The following PDE8A variants were observed in gnomAD, a reference collection of about 807,000 sequenced individuals.
PDE8A encodes the protein phosphodiesterase 8A.
Under a neutral mutation model 105.0 loss-of-function variants are expected in PDE8A, and 59 were observed. That is an observed-to-expected ratio of 0.56 (90% CI 0.46 to 0.70). The LOEUF is 0.70. PDE8A is among the 30% of genes least tolerant of loss of function. PDE8A has a pLI of 0.00. For synonymous variants in PDE8A, 355 were observed against 371.9 expected, an observed-to-expected ratio of 0.95 and a Z score of 0.52; for missense variants, 1,014 against 1,045.9, an observed-to-expected ratio of 0.97 and a Z score of 0.42.
intron 1 of PDE8A, among the ~76,000 whole-genome samples, chr15:84,991,993 A>G (rs143099440): frequency 3.9e-5 from 6 of 152,362 alleles, no homozygotes; most frequent in East Asian, 1.9e-4. Context: ...AACAACAAAA[A>G]AAAGATTAAT....
intron 1 of PDE8A, among the ~76,000 whole-genome samples, chr15:85,042,088 T>A (rs377369): frequency 0.54 from 81,421 of 151,856 alleles, 21,932 homozygotes; most frequent in East Asian, 0.57. Flanking sequence ...TTTTTTTTTT[T>A]AATAAAAAAT....
chr15:84,997,911 C>T (rs1156599335), intron 1 of PDE8A, among the ~76,000 whole-genome samples: 4 of 152,162 alleles, frequency 2.6e-5, no homozygotes. Context: ...TATCTTCTTA[C>T]AACAGGTTTA....
chr15:85,071,012 GAAAAAGAGAC>G (rs1429777339), intron 3 of PDE8A, among the ~76,000 whole-genome samples: 1 of 151,956 alleles, frequency 6.6e-6, no homozygotes, highest in Non-Finnish European at 1.5e-5. Flanking sequence ...CATGAAGAGG[GAAAAAGAGAC>G]AAAAATTGAC....
At chr15:85,083,756 G>C (rs1481552789) in intron 6 of PDE8A, 112 bp downstream of exon 6, 1 of 698,340 alleles carries the variant, frequency 1.4e-6, no homozygotes, top group Non-Finnish European at 2.6e-6. Flanking sequence ...AATGGGATTG[G>C]AGAGAATGGA....
chr15:85,129,411 T>G (rs1373795005), intron 20 of PDE8A, among the ~76,000 whole-genome samples: 1 of 152,252 alleles, frequency 6.6e-6, no homozygotes, highest in African/African-American at 2.4e-5. Flanking sequence ...TCAATCTCCT[T>G]GCTAGTCATT....
chr15:85,095,881 T>TTTA (rs1555478266), intron 8 of PDE8A, among the ~76,000 whole-genome samples: 200 of 148,544 alleles, frequency 1.3e-3, no homozygotes, highest in African/African-American at 4.6e-3. Flanking sequence ...TATATTTTTT[T>TTTA]TATATATATA....
At chr15:85,061,768 A>G (rs373273653) in intron 1 of PDE8A, among the ~76,000 whole-genome samples, 15 of 152,060 alleles carry the variant, frequency 9.9e-5, no homozygotes, top group African/African-American at 3.6e-4. Context: ...AGGCACTGTA[A>G]GCTCTGTTCA....
chr15:85,108,943 C>A, intron 11 of PDE8A, 110 bp from the exon 12 acceptor site: 1 of 695,268 alleles, frequency 1.4e-6, no homozygotes, highest in South Asian at 1.9e-5. Flanking sequence ...ACTTTTGTGG[C>A]ATTTAAAACA....
At chr15:85,063,890 T>C (rs143092697) in intron 1 of PDE8A, 1 of 153,814 alleles carries the variant, frequency 6.5e-6, no homozygotes, top group Non-Finnish European at 1.4e-5. Flanking sequence ...CAACCATTTT[T>C]CAATGACATT....
rs114653917 is a variant in PDE8A at position 85,083,929 on chromosome 15, C to G, written c.635+285C>G. Reference sequence around the variant, plus strand: ...TATGCTGGATTATCTGTTTTGTTTTCTAAGGGGACAAAAACGGTTTTAATA... The same window carrying G: ...TATGCTGGATTATCTGTTTTGTTTTGTAAGGGGACAAAAACGGTTTTAATA... On this transcript the variant is annotated intron_variant, in intron 6 of 21. Transcript: ENST00000394553. Among the ~76,000 whole-genome samples, 5,530 of 152,136 alleles carry G rather than the reference C, an allele frequency of 0.036. 314 individuals carry two copies. Among genetic ancestry groups the G allele is most frequent in the African/African-American group, 0.12 (5,107 of 41,474 alleles).
At chr15:85,127,562 C>G (rs2082275316) in intron 20 of PDE8A, among the ~76,000 whole-genome samples, 1 of 151,928 alleles carries the variant, frequency 6.6e-6, no homozygotes, top group Non-Finnish European at 1.5e-5. Flanking sequence ...AAGCCCAGTC[C>G]CATTTACAGT....
At chr15:85,013,187 A>G (rs1596442690) in intron 1 of PDE8A, among the ~76,000 whole-genome samples, 1 of 152,358 alleles carries the variant, frequency 6.6e-6, no homozygotes, top group East Asian at 1.9e-4. Flanking sequence ...TTTACATACA[A>G]AATTCACAGA....
chr15:85,067,947 C>T (rs1199849566), intron 3 of PDE8A, among the ~76,000 whole-genome samples: 1 of 152,158 alleles, frequency 6.6e-6, no homozygotes, highest in Non-Finnish European at 1.5e-5. Flanking sequence ...GTAGTTTCTC[C>T]TGTGGCCTTG....
At chr15:85,093,265 G>T (rs990290967) in intron 8 of PDE8A, among the ~76,000 whole-genome samples, 1 of 152,190 alleles carries the variant, frequency 6.6e-6, no homozygotes, top group Non-Finnish European at 1.5e-5. Flanking sequence ...TTTTTGGGGA[G>T]CATGGAAAAG....
intron 1 of PDE8A, among the ~76,000 whole-genome samples, chr15:85,027,203 T>C (rs1050206096): frequency 6.6e-6 from 1 of 152,226 alleles, no homozygotes; most frequent in Admixed American, 6.5e-5. Context: ...CAGAATGGGC[T>C]GTGGTCTGGG....
rs555087645 is a variant in PDE8A at position 84,987,887 on chromosome 15, G to A, written c.186+5539G>A. On this transcript the variant is annotated intron_variant, in intron 1 of 21. Transcript: ENST00000394553. ...ATATTTTAAAAAATTTTAAAAAAAA[G>A]AACAGAGGGATAAGTACTTAGGACA... 2.1e-3 allele frequency among the ~76,000 whole-genome samples: 315 copies of A among 152,238 alleles called. 2 individuals are homozygous for A. The highest frequency in any genetic ancestry group is 7.2e-3 in the African/African-American group (298 of 41,548).
At chr15:85,128,223 A>G (rs1445961245) in intron 20 of PDE8A, among the ~76,000 whole-genome samples, 2 of 152,342 alleles carry the variant, frequency 1.3e-5, no homozygotes, top group African/African-American at 4.8e-5. Flanking sequence ...AGCAACAACC[A>G]GCCAGGTGCA....
intron 2 of PDE8A, among the ~76,000 whole-genome samples, chr15:85,064,831 A>G (rs1377789032): frequency 4.6e-5 from 7 of 151,946 alleles, no homozygotes; most frequent in African/African-American, 1.7e-4. Context: ...TTAGATGGAC[A>G]TGGGGGTGTG....
chr15:85,018,485 G>T (rs57450817), intron 1 of PDE8A, among the ~76,000 whole-genome samples: 13,118 of 152,170 alleles, frequency 0.086, 1,553 homozygotes, highest in African/African-American at 0.27. Flanking sequence ...CATCTTAGGG[G>T]CAAACCATGA....
Sources: gnomAD v4.1 joint callset for allele counts (sites outside exome capture counted in the v4.1 genomes callset) on GRCh38, gnomAD v4.1.1 for gene constraint, MANE v1.5 for transcripts, NCBI Gene and HGNC (gene_info 2026-07-23, HGNC 2026-07-21) for gene names.